TET1: variants seen among roughly 807,000 people sequenced by gnomAD.
TET1 encodes tet methylcytosine dioxygenase 1, also known as methylcytosine dioxygenase TET1.
A neutral mutation model predicts 148.7 loss-of-function variants in TET1; 13 were observed. The ratio of observed to expected loss-of-function variants is 0.09; its 90% confidence interval spans 0.06 to 0.14. The LOEUF is 0.14. Among genes scored for constraint, TET1 ranks in the 10% least tolerant of loss-of-function variants. The pLI is 1.00. For synonymous variants in TET1, 907 were observed against 937.2 expected (o/e 0.97, Z 0.59); for missense variants, 2,182 against 2,553.8 (o/e 0.85, Z 3.14).
intron 6 of TET1, among the ~76,000 whole-genome samples, chr10:68,661,818 A>ACACACACAC (rs1554809964): frequency 0.09 from 13,538 of 150,472 alleles, 713 homozygotes; most frequent in South Asian, 0.13. Context: ...TTGTTAAAAA[A>ACACACACAC]ACACACACAC....
At chr10:68,589,647 C>T (rs1319147298) in intron 2 of TET1, among the ~76,000 whole-genome samples, 2 of 144,640 alleles carry the variant, frequency 1.4e-5, no homozygotes, top group African/African-American at 5.1e-5. Context: ...ATACTGTGCT[C>T]GGTTAATATC....
intron 2 of TET1, among the ~76,000 whole-genome samples, chr10:68,599,568 G>C (rs1001904788): frequency 6.6e-6 from 1 of 152,204 alleles, no homozygotes; most frequent in Admixed American, 6.5e-5. Flanking sequence ...CCCACTGGGC[G>C]TGGGGGCAGT....
At chr10:68,673,935 C>CTTTTTTTTTTTTTTTTTTTTTTTTTTT (rs11381293) in intron 8 of TET1, among the ~76,000 whole-genome samples, 4 of 120,262 alleles carry the variant, frequency 3.3e-5, no homozygotes, top group Non-Finnish European at 3.4e-5. Context: ...CTTTCTTTTT[C>CTTTTTTTTTTTTTTTTTTTTTTTTTTT]TTTTTTTTTT....
chr10:68,570,649 A>T (rs2053658901), intron 1 of TET1, among the ~76,000 whole-genome samples: 1 of 150,804 alleles, frequency 6.6e-6, no homozygotes, highest in Non-Finnish European at 1.5e-5. Flanking sequence ...TTTTTTTTTG[A>T]GACAGAGTCT....
intron 7 of TET1, among the ~76,000 whole-genome samples, chr10:68,669,555 C>T (rs1382049596): frequency 6.9e-6 from 1 of 145,538 alleles, no homozygotes; most frequent in Non-Finnish European, 1.5e-5. Flanking sequence ...GGGGTTTCAC[C>T]ATGTTAGCCA....
At chr10:68,567,237 C>T (rs2795908) in intron 1 of TET1, among the ~76,000 whole-genome samples, 7,658 of 152,244 alleles carry the variant, frequency 0.05, 226 homozygotes, top group South Asian at 0.081. Context: ...ATGGACTCAG[C>T]TAAGTAGTTC....
intron 1 of TET1, among the ~76,000 whole-genome samples, chr10:68,566,623 C>T (rs1482039685): frequency 6.6e-6 from 1 of 151,974 alleles, no homozygotes; most frequent in African/African-American, 2.4e-5. Context: ...GATGTTATCA[C>T]TAATGTCTAT....
intron 2 of TET1, among the ~76,000 whole-genome samples, chr10:68,595,981 T>TGG (rs1564958929): frequency 2.4e-5 from 1 of 40,838 alleles, no homozygotes; most frequent in African/African-American, 8.3e-5. Flanking sequence ...CACACACATA[T>TGG]ATACACACAC....
rs1450436955 is a variant in TET1 at position 68,574,060 on chromosome 10, T to C, written c.1722T>C (p.Ser574=). 3 of 1,614,030 alleles carry C rather than the reference T, an allele frequency of 1.9e-6. No individual in the cohort carries two copies. Among genetic ancestry groups the C allele is most frequent in the African/African-American group, 2.7e-5 (2 of 74,916 alleles). The part of the protein sequence containing the change: ...MPVPMVSTSS[S]SYTTLLPTLE... ...TGCCAATGGTCAGTACCTCCTCTTCTTCCTATACCACTTTGCTACCGACTT... is the reference window on the plus strand; with the variant it reads ...TGCCAATGGTCAGTACCTCCTCTTCCTCCTATACCACTTTGCTACCGACTT... The change falls in exon 2 of 12, where the codon TCT becomes TCC. Residue 574 remains serine (S), a synonymous_variant. Coordinates refer to ENST00000373644, the MANE Select transcript of TET1 (RefSeq NM_030625.3).
intron 3 of TET1, among the ~76,000 whole-genome samples, chr10:68,623,382 AGGACTG>A (rs2054403679): frequency 6.6e-6 from 1 of 152,236 alleles, no homozygotes; most frequent in Non-Finnish European, 1.5e-5. Flanking sequence ...AGGTTAAAAT[AGGACTG>A]TTGGATAGAA....
rs1564948802 is a variant in TET1 at position 68,573,470 on chromosome 10, C to A, written c.1132C>A (p.Leu378Ile). ...TGGTGCTATCCCACATCAATGGGAACTTCCTGGTGCTGACCCAGTTCATGG... is the reference window on the plus strand; with the variant it reads ...TGGTGCTATCCCACATCAATGGGAAATTCCTGGTGCTGACCCAGTTCATGG... ...AFGAIPHQWE[L>I]PGADPVHGEA... is the part of the protein sequence containing the mutation. The change falls in exon 2 of 12, where the codon CTT becomes ATT. Residue 378 changes from leucine (L) to isoleucine (I), a missense_variant. Physicochemically the swap from Leu to Ile is conservative, Grantham distance 5 (BLOSUM62 2). Around this residue, in one of 11 missense-constraint regions of TET1, gnomAD observed 665 missense variants for 672.4 expected, o/e 0.99. Transcript: ENST00000373644. The A allele has an allele frequency of 1.2e-6, 2 of 1,614,206 alleles. No homozygotes were observed. Among genetic ancestry groups the A allele is most frequent in the Non-Finnish European group, 1.7e-6 (2 of 1,180,038 alleles).
intron 3 of TET1, among the ~76,000 whole-genome samples, chr10:68,635,817 C>T (rs1181648324): frequency 2.0e-5 from 3 of 152,166 alleles, no homozygotes; most frequent in Non-Finnish European, 4.4e-5. Context: ...CAAACCGAGA[C>T]TCAGTCTCTA....
intron 3 of TET1, among the ~76,000 whole-genome samples, chr10:68,639,449 TAC>T (rs2054706832): frequency 5.3e-5 from 7 of 132,446 alleles, no homozygotes; most frequent in Admixed American, 1.6e-4. Flanking sequence ...TTATTATTAC[TAC>T]TACTACTACT....
intron 3 of TET1, chr10:68,632,382 G>A: frequency 1.2e-6 from 2 of 1,605,492 alleles, no homozygotes; most frequent in Non-Finnish European, 1.7e-6. Flanking sequence ...TGGCCTCCAC[G>A]CCGGAGCCCG....
At chr10:68,633,653 G>T (rs1464445502) in intron 3 of TET1, among the ~76,000 whole-genome samples, 1 of 152,052 alleles carries the variant, frequency 6.6e-6, no homozygotes, top group African/African-American at 2.4e-5. Context: ...ACCCCACGCT[G>T]GTCCTGACCT....
At position 68,646,744 on chromosome 10, in the gene TET1, G is replaced by A. The variant is rs1406656777; in HGVS notation, c.4015G>A (p.Gly1339Ser). 2 of 1,613,914 alleles carry A rather than the reference G, an allele frequency of 1.2e-6. No homozygotes were observed. Among genetic ancestry groups the A allele is most frequent in the Non-Finnish European group, 1.7e-6 (2 of 1,180,030 alleles). ...GCATCAGAGACTGCCAACATTGCCT[G>A]GTATCTCTCATGAAACACCCTTACC... ...LMHQRLPTLP[G>S]ISHETPLPES... The change falls in exon 4 of 12, where the codon GGT becomes AGT. Residue 1339 changes from glycine (G) to serine (S), a missense_variant. Physicochemically the swap from Gly to Ser is moderately conservative, Grantham distance 56. Around this residue, in one of 11 missense-constraint regions of TET1, gnomAD observed 582 missense variants for 599.5 expected, o/e 0.97. Transcript: ENST00000373644.
intron 6 of TET1, among the ~76,000 whole-genome samples, chr10:68,654,160 G>A (rs2054985377): frequency 6.6e-6 from 1 of 150,574 alleles, no homozygotes; most frequent in East Asian, 1.9e-4. Context: ...TCGGGGGAGG[G>A]AACATTTAAG....
intron 3 of TET1, among the ~76,000 whole-genome samples, chr10:68,623,759 A>C (rs1312575114): frequency 6.6e-6 from 1 of 152,110 alleles, no homozygotes; most frequent in East Asian, 1.9e-4. Flanking sequence ...ATTCCACCAC[A>C]CTCATTTAGC....
At chr10:68,574,351 T>A in intron 2 of TET1, 99 bp downstream of exon 2, 1 of 940,070 alleles carries the variant, frequency 1.1e-6, no homozygotes, top group Non-Finnish European at 1.6e-6. Flanking sequence ...TATGTAATAG[T>A]GAATTGCTTC....
Sources: gnomAD v4.1 joint callset for allele counts (sites outside exome capture counted in the v4.1 genomes callset) on GRCh38, gnomAD v4.1.1 for gene constraint, gnomAD v4.1.1 regional missense constraint, MANE v1.5 for transcripts, NCBI Gene and HGNC (gene_info 2026-07-23, HGNC 2026-07-21) for gene names.